ZMYND11: variants seen among roughly 807,000 people sequenced by gnomAD.
ZMYND11 encodes zinc finger MYND domain-containing protein 11.
A neutral mutation model predicts 84.9 loss-of-function variants in ZMYND11; 9 were observed. The ratio of observed to expected loss-of-function variants is 0.11; its 90% CI spans 0.06 to 0.18. The LOEUF is 0.18. Among genes scored for constraint, ZMYND11 ranks in the 10% least tolerant of loss-of-function variants. ZMYND11 has a pLI of 1.00. For synonymous variants in ZMYND11, 250 were observed against 244.1 expected, an observed-to-expected ratio of 1.02 and a Z score of -0.23; for missense variants, 409 against 761.0, an observed-to-expected ratio of 0.54 and a Z score of 5.44.
chr10:186,457 AT>A (rs1407364766), intron 2 of ZMYND11, among the ~76,000 whole-genome samples: 1 of 151,854 alleles, frequency 6.6e-6, no homozygotes, highest in Non-Finnish European at 1.5e-5. Context: ...CCTGGCCAAC[AT>A]AGTGAAACCC....
intron 2 of ZMYND11, among the ~76,000 whole-genome samples, chr10:192,882 T>C (rs889139102): frequency 6.6e-6 from 1 of 152,202 alleles, no homozygotes; most frequent in East Asian, 1.9e-4. Context: ...CACTGGGATA[T>C]TGTTACCTTT....
intron 2 of ZMYND11, among the ~76,000 whole-genome samples, chr10:180,726 T>C (rs1847704116): frequency 6.6e-6 from 1 of 152,210 alleles, no homozygotes; most frequent in Non-Finnish European, 1.5e-5. Context: ...AAAACACCTT[T>C]AGTGAATCAC....
At chr10:230,773 CAT>C (rs1361703928) in intron 4 of ZMYND11, among the ~76,000 whole-genome samples, 4 of 152,194 alleles carry the variant, frequency 2.6e-5, no homozygotes, top group Non-Finnish European at 4.4e-5. Flanking sequence ...GATGGGTCCT[CAT>C]ATTCTTGAGT....
In ZMYND11 at chr10:253,007, C is replaced by T. The variant is rs1317321084; in HGVS notation, c.*537C>T. 6.6e-6 allele frequency: 1 copy of T among 152,670 alleles called. No individual in the cohort carries two copies. The highest frequency in any genetic ancestry group is 1.5e-5 in the Non-Finnish European group (1 of 68,068). 9.5% of individuals were successfully genotyped at this position (152,670 alleles called of 1,614,324 possible). A position where few individuals can be genotyped will look rare whatever the true frequency, so the allele number is the denominator to read the frequency against. ...TTGAATTTAGGGAACAGGGTTGACA[C>T]AGCAGGGCTAGTCCTGCATATTTTT... On this transcript the variant is annotated 3_prime_UTR_variant, in exon 15 of 15. Transcript: ENST00000381604.
chr10:174,616 G>A (rs938677683), intron 1 of ZMYND11, among the ~76,000 whole-genome samples: 4 of 151,860 alleles, frequency 2.6e-5, no homozygotes, highest in African/African-American at 9.7e-5. Flanking sequence ...GAGTACTACA[G>A]TGGCACGTGC....
chr10:232,917 A>G (rs1231203757), intron 4 of ZMYND11, among the ~76,000 whole-genome samples: 1 of 152,214 alleles, frequency 6.6e-6, no homozygotes, highest in Non-Finnish European at 1.5e-5. Flanking sequence ...CTGGTACGTT[A>G]GGGTTCAAAA....
intron 1 of ZMYND11, among the ~76,000 whole-genome samples, chr10:155,683 G>A (rs782455457): frequency 1.3e-5 from 2 of 152,114 alleles, no homozygotes; most frequent in Non-Finnish European, 2.9e-5. Flanking sequence ...TATGATTTTT[G>A]CACTTCTGGT....
chr10:181,163 G>C (rs1847813864), intron 2 of ZMYND11, among the ~76,000 whole-genome samples: 1 of 152,088 alleles, frequency 6.6e-6, no homozygotes, highest in Non-Finnish European at 1.5e-5. Flanking sequence ...AAAATTTCTT[G>C]ATACTTTTCA....
Position 252,094 on chromosome 10 carries a change from C to T in ZMYND11, c.1687-254C>T, listed in dbSNP as rs1953623009. ...TTTAAGAAAAGAAACGGGAATGACT[C>T]TCACAGAGATGGAAAAAACGGGAGG... is the stretch of plus-strand genomic sequence containing the variant. On this transcript the variant is annotated intron_variant, in intron 14 of 14. Transcript: ENST00000381604. The surrounding 1 kb of genome is among the most constrained non-coding windows in gnomAD (Gnocchi z 4.6). Among the ~76,000 whole-genome samples the T allele has an allele frequency of 6.6e-6, 1 of 152,116 alleles. No individual in the cohort carries two copies. Among genetic ancestry groups the T allele is most frequent in the South Asian group, 2.1e-4 (1 of 4,824 alleles).
chr10:189,214 C>T (rs1184136820), intron 2 of ZMYND11, among the ~76,000 whole-genome samples: 1 of 152,198 alleles, frequency 6.6e-6, no homozygotes, highest in Non-Finnish European at 1.5e-5. Context: ...TACATAAACG[C>T]AAACTGTAAG....
At chr10:148,197 G>A (rs1192693216) in intron 1 of ZMYND11, 1 of 152,358 alleles carries the variant, frequency 6.6e-6, no homozygotes, top group African/African-American at 2.4e-5. Flanking sequence ...GTAGATTAGA[G>A]TCTTTAAACT....
chr10:182,952 T>C (rs190054166), intron 2 of ZMYND11, among the ~76,000 whole-genome samples: 296 of 152,320 alleles, frequency 1.9e-3, no homozygotes, highest in African/African-American at 7.0e-3. Flanking sequence ...CTTTTAAACT[T>C]TGCAGATATC....
At position 209,399 on chromosome 10, in the gene ZMYND11, C is replaced by T. The variant is rs150352566; in HGVS notation, c.117-490C>T. ...CGTCCATGCTTTCCTTATATGTTGA[C>T]AAGCACTCGTGTAATTTCTAAATGT... On this transcript the variant is annotated intron_variant, in intron 2 of 14. Transcript: ENST00000381604. Among the ~76,000 whole-genome samples, 700 of 152,294 alleles carry T rather than the reference C, an allele frequency of 4.6e-3. 4 individuals carry two copies. Among genetic ancestry groups the T allele is most frequent in the African/African-American group, 0.016 (672 of 41,566 alleles).
At chr10:241,036 T>G in intron 9 of ZMYND11, 66 bp downstream of exon 9, 1 of 1,275,326 alleles carries the variant, frequency 7.8e-7, no homozygotes, top group South Asian at 1.3e-5. Flanking sequence ...CCAGTTTGGT[T>G]AAAGATTATA....
chr10:225,465 A>C (rs576357618), intron 4 of ZMYND11, among the ~76,000 whole-genome samples: 1 of 152,204 alleles, frequency 6.6e-6, no homozygotes, highest in South Asian at 2.1e-4. Flanking sequence ...CTCCTGCCTC[A>C]GCTTCTGAGT....
intron 1 of ZMYND11, chr10:148,801 C>T (rs1310276544): frequency 2.0e-5 from 3 of 152,256 alleles, no homozygotes; most frequent in Non-Finnish European, 4.4e-5. Context: ...ACAGCCTCAT[C>T]CACCATTGAT....
intron 1 of ZMYND11, among the ~76,000 whole-genome samples, chr10:159,196 T>C (rs1554760730): frequency 1.3e-5 from 2 of 151,904 alleles, no homozygotes; most frequent in African/African-American, 4.8e-5. Flanking sequence ...CCTTATTGAT[T>C]TACTATTACA....
At chr10:181,012 T>C (rs1384933102) in intron 2 of ZMYND11, among the ~76,000 whole-genome samples, 3 of 152,184 alleles carry the variant, frequency 2.0e-5, no homozygotes, top group Non-Finnish European at 4.4e-5. Flanking sequence ...CTTATGAAGC[T>C]TCTATTTACA....
chr10:145,320 C>T (rs138506701), intron 1 of ZMYND11, among the ~76,000 whole-genome samples: 4,243 of 151,300 alleles, frequency 0.028, 95 homozygotes, highest in Middle Eastern at 0.045. Flanking sequence ...AGGTTGGTTC[C>T]GTATCTTTGC....
Sources: gnomAD v4.1 joint callset for allele counts (sites outside exome capture counted in the v4.1 genomes callset) on GRCh38, gnomAD v4.1.1 for gene constraint, Gnocchi (gnomAD v3.1) non-coding constraint, MANE v1.5 for transcripts, NCBI Gene and HGNC (gene_info 2026-07-23, HGNC 2026-07-21) for gene names.